The following CSPP1 variants were observed in gnomAD, a reference collection of about 807,000 sequenced individuals.
The protein encoded by CSPP1 is centrosome and spindle pole associated protein 1.
A neutral mutation model predicts 164.4 loss-of-function variants in CSPP1; 126 were observed. The ratio of observed to expected loss-of-function variants is 0.77; its 90% CI spans 0.66 to 0.89. CSPP1 has a LOEUF of 0.89. CSPP1 is among the 40% of genes least tolerant of loss of function. The probability of loss-of-function intolerance (pLI) is 0.00; values close to 1 mark genes in which losing one functional copy is unlikely to be tolerated. For synonymous variants in CSPP1, 472 were observed against 476.7 expected (o/e 0.99, Z 0.13); for missense variants, 1,395 against 1,449.8 (o/e 0.96, Z 0.61).
At chr8:67,132,158 C>A in intron 16 of CSPP1, 78 bp downstream of exon 16, 3 of 1,351,404 alleles carry the variant, frequency 2.2e-6, no homozygotes, top group Non-Finnish European at 3.0e-6. Context: ...AGAGTGTGGC[C>A]GGGGAGGGGA....
At chr8:67,147,181 G>A (rs1824761181) in intron 17 of CSPP1, among the ~76,000 whole-genome samples, 1 of 152,092 alleles carries the variant, frequency 6.6e-6, no homozygotes, top group Admixed American at 6.5e-5. Flanking sequence ...TACATATAGG[G>A]TATCTCCTAA....
At chr8:67,181,338 ATTT>A (rs58029238) in intron 28 of CSPP1, among the ~76,000 whole-genome samples, 170 of 112,636 alleles carry the variant, frequency 1.5e-3, no homozygotes, top group African/African-American at 4.7e-3. Flanking sequence ...GTACCTGGCC[ATTT>A]TTTTTTTTTT....
chr8:67,097,905 T>C (rs1307018623), intron 7 of CSPP1, among the ~76,000 whole-genome samples: 2 of 151,888 alleles, frequency 1.3e-5, no homozygotes, highest in African/African-American at 4.8e-5. Context: ...TACTTTAAAG[T>C]GTTTCTTCAA....
At chr8:67,168,941 C>G (rs1038046573) in intron 24 of CSPP1, among the ~76,000 whole-genome samples, 13 of 152,120 alleles carry the variant, frequency 8.5e-5, no homozygotes, top group Admixed American at 8.5e-4. Context: ...CCATAGAGTT[C>G]CTTTCACCTT....
intron 7 of CSPP1, among the ~76,000 whole-genome samples, chr8:67,100,258 C>A (rs1271230979): frequency 6.6e-6 from 1 of 152,114 alleles, no homozygotes; most frequent in Non-Finnish European, 1.5e-5. Flanking sequence ...TAACCTTATA[C>A]ATAAATAAAA....
intron 14 of CSPP1, 33 bp downstream of exon 14, chr8:67,118,402 C>T (rs200636454): frequency 1.6e-4 from 254 of 1,607,362 alleles, no homozygotes; most frequent in Non-Finnish European, 2.0e-4. Context: ...ATTTTCTCCC[C>T]GCTTGGCTCA....
intron 28 of CSPP1, among the ~76,000 whole-genome samples, chr8:67,190,387 T>C (rs1236154213): frequency 6.6e-6 from 1 of 152,176 alleles, no homozygotes; most frequent in Non-Finnish European, 1.5e-5. Context: ...CAGAGCCGTG[T>C]TTGCCCGGGG....
At chr8:67,149,486 G>C (rs1404635280) in intron 17 of CSPP1, among the ~76,000 whole-genome samples, 1 of 152,078 alleles carries the variant, frequency 6.6e-6, no homozygotes, top group Non-Finnish European at 1.5e-5. Flanking sequence ...CTATATTAAA[G>C]AAATTCTAAG....
intron 3 of CSPP1, among the ~76,000 whole-genome samples, chr8:67,081,707 C>T (rs957048308): frequency 1.3e-5 from 2 of 152,126 alleles, no homozygotes; most frequent in African/African-American, 4.8e-5. Context: ...TGTTTTGATA[C>T]AAATGTGTCA....
At chr8:67,143,785 T>G (rs529249276) in intron 17 of CSPP1, among the ~76,000 whole-genome samples, 2 of 152,216 alleles carry the variant, frequency 1.3e-5, no homozygotes, top group Non-Finnish European at 2.9e-5. Flanking sequence ...GTCTGTGTGC[T>G]TGCTACTGTC....
In CSPP1 at chr8:67,154,129, G is replaced by A. The variant is rs769971911; in HGVS notation, c.2234G>A (p.Arg745His). 2.0e-5 allele frequency: 29 copies of A among 1,471,840 alleles called. No homozygotes were observed. In the Admixed American group the frequency reaches 3.6e-4, roughly 18 times the overall value. The allele number at this position is 1,471,840 out of a possible 1,614,324, so 91.2% of individuals were successfully genotyped here. A position where few individuals can be genotyped will look rare whatever the true frequency, so the allele number is the denominator to read the frequency against. The change falls in exon 19 of 31, where the codon CGT becomes CAT. Residue 745 changes from arginine to histidine, a missense_variant. Arg to His is a conservative substitution (Grantham distance 29, BLOSUM62 0). Coordinates refer to ENST00000678616, the MANE Select transcript of CSPP1 (RefSeq NM_001382391.1). ...CAAGAATTATACAAGAATTTTCTTC[G>A]TTTCCAGGTGAAATGCTATTTGATC... ...KQQELYKNFL[R>H]FQIEEKKQRE...
chr8:67,070,079 G>A (rs761771247), intron 1 of CSPP1, among the ~76,000 whole-genome samples: 33 of 152,120 alleles, frequency 2.2e-4, no homozygotes, highest in Non-Finnish European at 4.1e-4. Flanking sequence ...AGGATTTTGA[G>A]GATTGATTGT....
chr8:67,150,462 T>C (rs1825503186), intron 18 of CSPP1, among the ~76,000 whole-genome samples: 1 of 152,096 alleles, frequency 6.6e-6, no homozygotes, highest in African/African-American at 2.4e-5. Context: ...TGGAGTGCAG[T>C]GGCATAATCT....
At chr8:67,190,104 A>G (rs542591899) in intron 28 of CSPP1, among the ~76,000 whole-genome samples, 26 of 152,328 alleles carry the variant, frequency 1.7e-4, no homozygotes, top group African/African-American at 6.0e-4. Context: ...ATGAGAAGAT[A>G]TGTCCACACA....
chr8:67,110,744 C>T (rs942077445), intron 9 of CSPP1, among the ~76,000 whole-genome samples: 5 of 152,128 alleles, frequency 3.3e-5, no homozygotes, highest in African/African-American at 1.2e-4. Context: ...TTCATTTGGG[C>T]AGAAATTGGG....
rs1180570661 is a variant in CSPP1 at position 67,159,030 on chromosome 8, G to C, written c.2431G>C (p.Glu811Gln). Residue 811 changes from glutamate (E) to glutamine (Q), a missense_variant, in exon 21 of 31, where the codon GAA becomes CAA. Physicochemically the swap from Glu to Gln is conservative, Grantham distance 29 (BLOSUM62 2). Coordinates refer to ENST00000678616, the MANE Select transcript of CSPP1 (RefSeq NM_001382391.1). ...TGAAGAGCATATTCGGTTAGCTGAA[G>C]AAAGACAAAAAGAAGCAGAAAGAAA... is the stretch of plus-strand genomic sequence containing the variant. Reference protein sequence around the residue: ...KNEEHIRLAEERQKEAERKKK... With the variant: ...KNEEHIRLAEQRQKEAERKKK... 6.2e-7 allele frequency: 1 copy of C among 1,611,790 alleles called. No homozygotes were observed. The highest frequency in any genetic ancestry group is 1.3e-5 in the African/African-American group (1 of 74,806).
Position 67,065,488 on chromosome 8 carries a change from G to A in CSPP1, c.-11+950G>A, listed in dbSNP as rs547912068. ...AAAAGCCTAAATTAGGCTTTATTCTGTGTGAAGGAATGACTTGTAATGTTG... is the reference window on the plus strand; with the variant it reads ...AAAAGCCTAAATTAGGCTTTATTCTATGTGAAGGAATGACTTGTAATGTTG... On this transcript the variant is annotated intron_variant, in intron 1 of 30. Coordinates refer to ENST00000678616, the MANE Select transcript of CSPP1 (RefSeq NM_001382391.1). 3.2e-4 allele frequency: 313 copies of A among 967,128 alleles called. No homozygotes were observed. In the African/African-American group the frequency reaches 5.1e-3, roughly 16 times the overall value. 59.9% of individuals were successfully genotyped at this position (967,128 alleles called of 1,614,324 possible).
At chr8:67,170,810 G>A (rs1021195467) in intron 24 of CSPP1, among the ~76,000 whole-genome samples, 2 of 151,742 alleles carry the variant, frequency 1.3e-5, no homozygotes, top group African/African-American at 2.4e-5. Context: ...TTTTTGAGAC[G>A]GCTTCTTGCT....
intron 9 of CSPP1, among the ~76,000 whole-genome samples, chr8:67,107,207 C>G (rs893864431): frequency 3.3e-5 from 5 of 152,054 alleles, no homozygotes; most frequent in Non-Finnish European, 5.9e-5. Flanking sequence ...GCCACCATGC[C>G]TGGCTAATTT....
Sources: allele counts gnomAD v4.1 joint callset (sites outside exome capture counted in the v4.1 genomes callset), GRCh38; gene constraint gnomAD v4.1.1; transcripts MANE v1.5; gene names NCBI Gene and HGNC (gene_info 2026-07-23, HGNC 2026-07-21).